Variants in NOS1AP observed in about 807,000 individuals in gnomAD.
NOS1AP encodes the protein nitric oxide synthase 1 adaptor protein.
In NOS1AP, 21 loss-of-function variants were observed where a neutral mutation model predicts 56.2. The ratio of observed to expected loss-of-function variants is 0.37; its 90% CI spans 0.26 to 0.54. The LOEUF (loss-of-function observed/expected upper bound fraction) is 0.54. Ranked by LOEUF, NOS1AP falls within the 20% of genes least tolerant of loss-of-function variation. The pLI is 0.84. For synonymous variants in NOS1AP, 270 were observed against 274.6 expected (o/e 0.98, Z 0.17); for missense variants, 522 against 657.8 (o/e 0.79, Z 2.26).
At chr1:162,278,827 T>C (rs1459245867) in intron 2 of NOS1AP, among the ~76,000 whole-genome samples, 1 of 152,144 alleles carries the variant, frequency 6.6e-6, no homozygotes, top group African/African-American at 2.4e-5. Context: ...ATTTGATACA[T>C]TCATATAGAT....
chr1:162,366,973 G>A, intron 9 of NOS1AP, 79 bp from the exon 10 acceptor site: 4 of 1,559,910 alleles, frequency 2.6e-6, no homozygotes, highest in African/African-American at 1.4e-5. Flanking sequence ...GGCAGGGCAC[G>A]GGCGGGCAGA....
At chr1:162,298,123 G>A (rs186516386) in intron 3 of NOS1AP, among the ~76,000 whole-genome samples, 24 of 152,336 alleles carry the variant, frequency 1.6e-4, no homozygotes, top group African/African-American at 4.8e-4. Flanking sequence ...GTCCTCACTG[G>A]CACCCAGGCC....
chr1:162,365,339 C>T (rs757757837), intron 8 of NOS1AP, 65 bp from the exon 9 acceptor site: 16 of 1,610,446 alleles, frequency 9.9e-6, no homozygotes, highest in South Asian at 8.8e-5. Context: ...CAGTGACTCT[C>T]ATGTGCATTC....
chr1:162,345,307 T>A (rs1167725848), intron 6 of NOS1AP, among the ~76,000 whole-genome samples: 1 of 58,820 alleles, frequency 1.7e-5, no homozygotes. Flanking sequence ...CCCTCCCCCC[T>A]CCCCCCACCC....
chr1:162,365,579 T>C lies in NOS1AP; in HGVS notation c.1105+10T>C. ...TCAGGACAGAACGCCAGTAAGCCAG[T>C]GCCCTGCCCAGCCCTGCTTCCTCTG... On this transcript the variant is annotated intron_variant, in intron 9 of 9. Transcript: ENST00000361897. 6.2e-7 allele frequency: 1 copy of C among 1,608,774 alleles called. No homozygotes were observed. The highest frequency in any genetic ancestry group is 8.5e-7 in the Non-Finnish European group (1 of 1,179,996).
chr1:162,070,103 C>T lies in NOS1AP; in HGVS notation c.-75C>T. Reference sequence around the variant, plus strand: ...ACGCGTCGCCGCGCCCAGCTCCAGTCTCCCCTCCCCGGGGTCTCGCCAGCC... The same window carrying T: ...ACGCGTCGCCGCGCCCAGCTCCAGTTTCCCCTCCCCGGGGTCTCGCCAGCC... On this transcript the variant is annotated 5_prime_UTR_variant, in exon 1 of 10. Coordinates refer to ENST00000361897, the MANE Select transcript of NOS1AP (RefSeq NM_014697.3). 8.2e-7 allele frequency: 1 copy of T among 1,226,442 alleles called. No individual in the cohort carries two copies. Among genetic ancestry groups the T allele is most frequent in the Non-Finnish European group, 1.2e-6 (1 of 834,364 alleles). 76.0% of individuals were successfully genotyped at this position (1,226,442 alleles called of 1,614,324 possible). A position where few individuals can be genotyped will look rare whatever the true frequency, so the allele number is the denominator to read the frequency against.
chr1:162,173,890 A>AT (rs1180301950), intron 2 of NOS1AP, among the ~76,000 whole-genome samples: 6 of 152,244 alleles, frequency 3.9e-5, no homozygotes, highest in Admixed American at 6.5e-5. Context: ...AATGGCAATC[A>AT]TTAAAAAGTC....
chr1:162,103,471 A>G (rs1647384342), intron 1 of NOS1AP, among the ~76,000 whole-genome samples: 2 of 152,166 alleles, frequency 1.3e-5, no homozygotes, highest in South Asian at 2.1e-4. Context: ...AGCTGAGTTC[A>G]GGTTCTGAAT....
rs56264198 is a variant in NOS1AP at position 162,125,130 on chromosome 1, CTTTTTTT to C, written c.106-29260_106-29254del. ...ATGCCAACATCTATTGTTTCTGACT[CTTTTTTT>C]TTTTTTTTTTTTTTAAGACGGAGTC... On this transcript the variant is annotated intron_variant, in intron 1 of 9. Coordinates refer to ENST00000361897, the MANE Select transcript of NOS1AP (RefSeq NM_014697.3). 4.9e-3 allele frequency among the ~76,000 whole-genome samples: 610 copies of C among 124,136 alleles called. 8 individuals carry two copies. Among genetic ancestry groups the C allele is most frequent in the African/African-American group, 0.018 (563 of 30,952 alleles). The allele number at this position is 124,136 out of a possible 152,430, so 81.4% of individuals were successfully genotyped here.
chr1:162,221,189 T>C (rs564655148), intron 2 of NOS1AP, among the ~76,000 whole-genome samples: 4 of 152,348 alleles, frequency 2.6e-5, no homozygotes, highest in Non-Finnish European at 5.9e-5. Context: ...TCCACCCACC[T>C]TGGCCTCCCA....
chr1:162,367,332 C>T lies in NOS1AP; in HGVS notation c.1386C>T (p.Ile462=), dbSNP rs1276700942. 1.2e-6 allele frequency: 2 copies of T among 1,613,114 alleles called. No homozygotes were observed. Among genetic ancestry groups the T allele is most frequent in the South Asian group, 1.1e-5 (1 of 91,062 alleles). ...LELIKFRESG[I]ASEYESNTDE... is the part of the protein sequence containing the mutation. ...TCATCAAGTTCCGAGAGTCAGGCAT[C>T]GCCTCGGAGTACGAGTCCAACACGG... Residue 462 remains isoleucine (I), a synonymous_variant, in exon 10 of 10, where the codon ATC becomes ATT. Transcript: ENST00000361897. The surrounding 1 kb of genome is among the most constrained non-coding windows in gnomAD (Gnocchi z 6.5).
intron 2 of NOS1AP, among the ~76,000 whole-genome samples, chr1:162,177,687 G>A (rs1166482266): frequency 1.3e-5 from 2 of 152,218 alleles, no homozygotes; most frequent in Middle Eastern, 3.4e-3. Context: ...TTTTAAAAAA[G>A]TAGTAAACAT....
At chr1:162,222,753 T>C (rs1283212550) in intron 2 of NOS1AP, among the ~76,000 whole-genome samples, 1 of 152,190 alleles carries the variant, frequency 6.6e-6, no homozygotes, top group Non-Finnish European at 1.5e-5. Context: ...TTGGCCATGA[T>C]GAGAGCATTT....
intron 4 of NOS1AP, among the ~76,000 whole-genome samples, chr1:162,311,239 G>A (rs892035062): frequency 5.3e-5 from 8 of 152,068 alleles, no homozygotes; most frequent in African/African-American, 1.2e-4. Flanking sequence ...GTTCTTCTGT[G>A]TTGCCCTGCA....
intron 2 of NOS1AP, among the ~76,000 whole-genome samples, chr1:162,268,182 C>A (rs550166595): frequency 6.6e-6 from 1 of 151,748 alleles, no homozygotes; most frequent in Admixed American, 6.6e-5. Context: ...TTGCTTGAAC[C>A]CAGGAGGCAA....
chr1:162,093,829 A>G (rs1692183462), intron 1 of NOS1AP, among the ~76,000 whole-genome samples: 1 of 152,210 alleles, frequency 6.6e-6, no homozygotes, highest in Non-Finnish European at 1.5e-5. Flanking sequence ...TTGGGATTAC[A>G]GGCATGAGCC....
At chr1:162,190,546 A>G (rs1359525843) in intron 2 of NOS1AP, among the ~76,000 whole-genome samples, 1 of 152,212 alleles carries the variant, frequency 6.6e-6, no homozygotes, top group Non-Finnish European at 1.5e-5. Context: ...CATAGAATAT[A>G]TAATGATCAG....
intron 2 of NOS1AP, among the ~76,000 whole-genome samples, chr1:162,255,426 C>A (rs902658076): frequency 2.0e-5 from 3 of 147,220 alleles, no homozygotes; most frequent in Non-Finnish European, 4.5e-5. Context: ...TGTTTCAGGT[C>A]AGGAGACCCA....
intron 4 of NOS1AP, among the ~76,000 whole-genome samples, chr1:162,326,212 G>C (rs560857901): frequency 6.6e-6 from 1 of 152,192 alleles, no homozygotes; most frequent in Non-Finnish European, 1.5e-5. Context: ...AGAGAATTGC[G>C]TGGCAGGTCC....
Sources: allele counts gnomAD v4.1 joint callset (sites outside exome capture counted in the v4.1 genomes callset), GRCh38; gene constraint gnomAD v4.1.1; non-coding constraint Gnocchi (gnomAD v3.1); transcripts MANE v1.5; gene names NCBI Gene and HGNC (gene_info 2026-07-23, HGNC 2026-07-21).